CERT1: variants seen among roughly 807,000 people sequenced by gnomAD.
CERT1 encodes the protein ceramide transporter 1.
In CERT1, 31 loss-of-function variants were observed where a neutral mutation model predicts 87.9. The ratio of observed to expected loss-of-function variants is 0.35; its 90% CI spans 0.27 to 0.48. CERT1 has a LOEUF of 0.48. Ranked by LOEUF, CERT1 falls within the 20% of genes least tolerant of loss-of-function variation. CERT1 has a pLI of 0.99. For synonymous variants in CERT1, 289 were observed against 250.9 expected, an observed-to-expected ratio of 1.15 and a Z score of -1.44; for missense variants, 487 against 758.0, an observed-to-expected ratio of 0.64 and a Z score of 4.20.
intron 2 of CERT1, among the ~76,000 whole-genome samples, chr5:75,485,604 A>G (rs1005023721): frequency 6.6e-6 from 1 of 152,026 alleles, no homozygotes; most frequent in African/African-American, 2.4e-5. Flanking sequence ...AACAAAATTG[A>G]CAAACCTTTG....
chr5:75,459,910 C>T (rs1293549514), intron 2 of CERT1, among the ~76,000 whole-genome samples: 3 of 142,670 alleles, frequency 2.1e-5, no homozygotes, highest in East Asian at 2.1e-4. Flanking sequence ...TTCAGTGAGC[C>T]GAGATTGCGC....
intron 11 of CERT1, among the ~76,000 whole-genome samples, chr5:75,396,357 A>C (rs1762253226): frequency 6.6e-6 from 1 of 152,202 alleles, no homozygotes; most frequent in Non-Finnish European, 1.5e-5. Context: ...ATTAATTATG[A>C]AGATATTATA....
intron 2 of CERT1, among the ~76,000 whole-genome samples, chr5:75,485,380 G>A (rs1490276322): frequency 2.1e-5 from 3 of 142,536 alleles, no homozygotes; most frequent in African/African-American, 7.8e-5. Context: ...TACAGTGAAA[G>A]TAGTACTAAG....
chr5:75,503,219 T>G (rs1206485019), intron 2 of CERT1, among the ~76,000 whole-genome samples: 1 of 151,976 alleles, frequency 6.6e-6, no homozygotes, highest in African/African-American at 2.4e-5. Flanking sequence ...ACAAATAATA[T>G]AGTAATGAAT....
At chr5:75,434,448 G>T (rs959178821) in intron 3 of CERT1, among the ~76,000 whole-genome samples, 1 of 151,984 alleles carries the variant, frequency 6.6e-6, no homozygotes, top group Non-Finnish European at 1.5e-5. Flanking sequence ...ATATTGGCTT[G>T]AAGTTTTTTG....
intron 2 of CERT1, among the ~76,000 whole-genome samples, chr5:75,485,312 C>CAAATAAAAAAAAAAAAA (rs1766461178): frequency 2.2e-5 from 1 of 46,438 alleles, no homozygotes; most frequent in Non-Finnish European, 3.7e-5. Flanking sequence ...CACAAAAATA[C>CAAATAAAAAAAAAAAAA]AAAAAAAAAA....
At chr5:75,405,878 G>A (rs866711092) in intron 8 of CERT1, among the ~76,000 whole-genome samples, 114 of 150,760 alleles carry the variant, frequency 7.6e-4, no homozygotes, top group Middle Eastern at 3.4e-3. Context: ...TTACTGGGGG[G>A]GGGGGGGGTC....
chr5:75,461,189 C>G (rs1223568744), intron 2 of CERT1, among the ~76,000 whole-genome samples: 1 of 152,168 alleles, frequency 6.6e-6, no homozygotes, highest in East Asian at 1.9e-4. Context: ...CTGTTAGTAA[C>G]TGGGCCGCAC....
At chr5:75,498,084 G>C (rs1320242367) in intron 2 of CERT1, among the ~76,000 whole-genome samples, 7 of 152,182 alleles carry the variant, frequency 4.6e-5, no homozygotes, top group African/African-American at 1.7e-4. Flanking sequence ...TTAGCAAAGA[G>C]ACTGGCGGCA....
chr5:75,477,647 T>TAAAAAAAAAAAAAAAAAA (rs540588442), intron 2 of CERT1, among the ~76,000 whole-genome samples: 3 of 89,516 alleles, frequency 3.4e-5, no homozygotes, highest in African/African-American at 8.7e-5. Flanking sequence ...TAATAAGTTG[T>TAAAAAAAAAAAAAAAAAA]AAAAAAAAAA....
At chr5:75,407,689 C>T (rs1348371582) in intron 8 of CERT1, among the ~76,000 whole-genome samples, 1 of 152,030 alleles carries the variant, frequency 6.6e-6, no homozygotes, top group Non-Finnish European at 1.5e-5. Context: ...GTGAACTTGT[C>T]ACAGGCCAGG....
At chr5:75,390,193 A>G (rs960567213) in intron 11 of CERT1, among the ~76,000 whole-genome samples, 1 of 152,176 alleles carries the variant, frequency 6.6e-6, no homozygotes, top group Non-Finnish European at 1.5e-5. Flanking sequence ...AAGATACACA[A>G]AGATGAGCAA....
At chr5:75,501,217 C>A (rs1193116701) in intron 2 of CERT1, among the ~76,000 whole-genome samples, 3 of 152,146 alleles carry the variant, frequency 2.0e-5, no homozygotes, top group Admixed American at 6.5e-5. Context: ...GATCTTTCAA[C>A]TTCCGCTCTT....
Position 75,419,522 on chromosome 5 carries a change from C to T in CERT1, c.596-98G>A, listed in dbSNP as rs1763284105. ...AGTCATTTTACTCTGGATTCTGATT[C>T]TGAGTATGAAGTCTTACTCATCTTT... On this transcript the variant is annotated intron_variant, in intron 5 of 16. Coordinates refer to ENST00000643780, the MANE Select transcript of CERT1 (RefSeq NM_001379029.1). The T allele has an allele frequency of 9.9e-6, 8 of 806,424 alleles. No individual in the cohort carries two copies. In the East Asian group the frequency reaches 2.2e-4, roughly 22 times the overall value. 50.0% of individuals were successfully genotyped at this position (806,424 alleles called of 1,614,324 possible).
chr5:75,400,674 C>A (rs1580718441), intron 9 of CERT1: 1 of 170,462 alleles, frequency 5.9e-6, no homozygotes, highest in Middle Eastern at 2.6e-3. Context: ...CAGGCCGCCC[C>A]TGGAAGGCTG....
At position 75,382,004 on chromosome 5, in the gene CERT1, T is replaced by A; in HGVS notation, c.1562A>T (p.Asn521Ile). The A allele has an allele frequency of 6.2e-7, 1 of 1,613,920 alleles. No homozygotes were observed. The highest frequency in any genetic ancestry group is 8.5e-7 in the Non-Finnish European group (1 of 1,179,852). Residue 521 changes from asparagine (N) to isoleucine (I), a missense_variant, in exon 15 of 17, where the codon AAT becomes ATT. Around this residue, in one of 8 missense-constraint regions of CERT1, gnomAD observed 147 missense variants for 200.8 expected, o/e 0.73. Coordinates refer to ENST00000643780, the MANE Select transcript of CERT1 (RefSeq NM_001379029.1). ...ACAAACTATCCAAGTTTCAGGGTCA[T>A]TTTCAGTCAAGGCTGGTATCTTTCG... ...VIRKIPALTE[N>I]DPETWIVCNF...
chr5:75,479,753 C>T (rs981878354), intron 2 of CERT1, among the ~76,000 whole-genome samples: 11 of 151,974 alleles, frequency 7.2e-5, no homozygotes, highest in South Asian at 2.1e-4. Flanking sequence ...AATGAACATT[C>T]GAGTGCATGT....
At chr5:75,476,544 G>C (rs1765963220) in intron 2 of CERT1, among the ~76,000 whole-genome samples, 1 of 151,910 alleles carries the variant, frequency 6.6e-6, no homozygotes, top group South Asian at 2.1e-4. Context: ...ACTTCCTTAA[G>C]GTTTTGACTC....
chr5:75,492,200 CA>C (rs1561301290), intron 2 of CERT1, among the ~76,000 whole-genome samples: 1 of 151,694 alleles, frequency 6.6e-6, no homozygotes, highest in South Asian at 2.1e-4. Context: ...AACAAACAAA[CA>C]AAAAAACTCC....
Sources: allele counts gnomAD v4.1 joint callset (sites outside exome capture counted in the v4.1 genomes callset), GRCh38; gene constraint gnomAD v4.1.1; regional missense constraint gnomAD v4.1.1; transcripts MANE v1.5; gene names NCBI Gene and HGNC (gene_info 2026-07-23, HGNC 2026-07-21).